Variants in DCAF12 observed in about 807,000 individuals in gnomAD.
DCAF12 encodes the protein DDB1- and CUL4-associated factor 12.
In DCAF12, 28 loss-of-function variants were observed where a neutral mutation model predicts 52.8. The ratio of observed to expected loss-of-function variants is 0.53; its 90% confidence interval spans 0.39 to 0.73. The LOEUF (loss-of-function observed/expected upper bound fraction) is 0.73. DCAF12 is among the 30% of genes least tolerant of loss of function. DCAF12 has a pLI of 0.00. For missense variants in DCAF12, 425 were observed against 552.2 expected (o/e 0.77, Z 2.31); for synonymous variants, 196 against 215.5 (o/e 0.91, Z 0.79).
chr9:34,114,350 G>A (rs1304853778), intron 2 of DCAF12, among the ~76,000 whole-genome samples: 1 of 152,114 alleles, frequency 6.6e-6, no homozygotes, highest in Non-Finnish European at 1.5e-5. Context: ...ATCACCTGAG[G>A]TCAGGAGTTT....
intron 6 of DCAF12, among the ~76,000 whole-genome samples, chr9:34,094,157 C>T (rs1188278236): frequency 6.6e-6 from 1 of 152,132 alleles, no homozygotes; most frequent in Non-Finnish European, 1.5e-5. Flanking sequence ...GTAATCCCAG[C>T]ACTTTGGGAG....
chr9:34,098,292 TAC>T, intron 5 of DCAF12, 30 bp downstream of exon 5: 1 of 1,601,184 alleles, frequency 6.2e-7, no homozygotes, highest in South Asian at 1.1e-5. Flanking sequence ...GCAAGAGGAA[TAC>T]ACGTCAGGGA....
chr9:34,125,485 T>C, intron 1 of DCAF12: 1 of 643,104 alleles, frequency 1.6e-6, no homozygotes, highest in Admixed American at 2.7e-5. Flanking sequence ...AACTTACCAA[T>C]GTGAATTACA....
At chr9:34,120,349 C>T (rs181438029) in intron 2 of DCAF12, among the ~76,000 whole-genome samples, 115 of 151,880 alleles carry the variant, frequency 7.6e-4, no homozygotes, top group African/African-American at 2.6e-3. Context: ...CACTGTACTC[C>T]ACCCTGAGTG....
At chr9:34,124,204 T>C (rs1320931000) in intron 2 of DCAF12, among the ~76,000 whole-genome samples, 3 of 152,334 alleles carry the variant, frequency 2.0e-5, no homozygotes, top group East Asian at 3.9e-4. Context: ...TCACACATTA[T>C]GACATTACTT....
intron 2 of DCAF12, among the ~76,000 whole-genome samples, chr9:34,120,592 A>C (rs558316245): frequency 6.7e-6 from 1 of 148,368 alleles, no homozygotes; most frequent in Non-Finnish European, 1.5e-5. Flanking sequence ...AATCGCTTGA[A>C]CCCGGAGGCA....
At chr9:34,108,087 A>C (rs985142225) in intron 2 of DCAF12, among the ~76,000 whole-genome samples, 1 of 152,146 alleles carries the variant, frequency 6.6e-6, no homozygotes, top group Non-Finnish European at 1.5e-5. Context: ...ATACACACAC[A>C]TCCCATTCAG....
At chr9:34,092,923 G>T (rs746910814) in intron 7 of DCAF12, among the ~76,000 whole-genome samples, 1 of 151,898 alleles carries the variant, frequency 6.6e-6, no homozygotes, top group African/African-American at 2.4e-5. Context: ...TCAGCTCACC[G>T]CAACCTCCGC....
chr9:34,100,427 T>C (rs1457140788), intron 4 of DCAF12, among the ~76,000 whole-genome samples: 2 of 151,662 alleles, frequency 1.3e-5, no homozygotes, highest in South Asian at 2.1e-4. Context: ...CTTGATCTCC[T>C]GACCTCGTGA....
At position 34,088,486 on chromosome 9, in the gene DCAF12, T is replaced by C. The variant is rs748775237; in HGVS notation, c.1226A>G (p.Asn409Ser). ...GWLNHDETWR[N>S]YFSDIDFFPN... ...GAAGAAGTCAATGTCTGAAAAGTAA[T>C]TCCTCCAGGTTTCATCATGATTCTA... The change falls in exon 9 of 9, where the codon AAT (asparagine) becomes AGT (serine). Residue 409 changes from asparagine (N) to serine (S), a missense_variant. Asn to Ser is a conservative substitution (Grantham distance 46). This residue lies in a region of DCAF12 where 328 missense variants were observed against 444.4 expected (regional missense o/e 0.74). Transcript: ENST00000361264. 1.5e-5 allele frequency: 25 copies of C among 1,614,058 alleles called. No homozygotes were observed. Among genetic ancestry groups the C allele is most frequent in the Non-Finnish European group, 2.1e-5 (25 of 1,180,028 alleles).
intron 2 of DCAF12, among the ~76,000 whole-genome samples, chr9:34,108,679 G>A (rs1048136656): frequency 2.0e-5 from 3 of 151,810 alleles, no homozygotes; most frequent in African/African-American, 4.8e-5. Context: ...TCAGCTACTC[G>A]GGAGGCTGAG....
chr9:34,107,286 AG>A, intron 3 of DCAF12, 72 bp downstream of exon 3: 1 of 1,418,186 alleles, frequency 7.1e-7, no homozygotes, highest in South Asian at 1.2e-5. Context: ...TGATGAGAGG[AG>A]GGTCCATGTT....
chr9:34,093,461 G>A lies in DCAF12; in HGVS notation c.862-13C>T, dbSNP rs1828682399. 2 of 1,613,740 alleles carry A rather than the reference G, an allele frequency of 1.2e-6. No homozygotes were observed. Among genetic ancestry groups the A allele is most frequent in the Non-Finnish European group, 1.7e-6 (2 of 1,179,734 alleles). On this transcript the variant is annotated splice_polypyrimidine_tract_variant and intron_variant, in intron 6 of 8. Transcript: ENST00000361264. ...TGGTGGAGAGGAGCTGAAAATAGAG[G>A]AGAGATATAACCATGGCATCAGCAG...
intron 3 of DCAF12, among the ~76,000 whole-genome samples, chr9:34,106,865 T>C (rs1284317621): frequency 2.6e-5 from 4 of 152,172 alleles, no homozygotes; most frequent in African/African-American, 7.2e-5. Flanking sequence ...AAACTTTATC[T>C]TCTGATACAG....
At chr9:34,124,953 G>A in intron 2 of DCAF12, 70 bp downstream of exon 2, 1 of 1,560,502 alleles carries the variant, frequency 6.4e-7, no homozygotes, top group African/African-American at 1.4e-5. Context: ...AAAACTAGCA[G>A]AGGTTCTAGA....
intron 4 of DCAF12, among the ~76,000 whole-genome samples, chr9:34,104,042 G>T (rs1264379432): frequency 2.0e-5 from 3 of 152,098 alleles, no homozygotes; most frequent in Non-Finnish European, 4.4e-5. Flanking sequence ...GCCGATGCAG[G>T]CAGATCACTT....
At chr9:34,094,810 G>A (rs1469677322) in intron 6 of DCAF12, among the ~76,000 whole-genome samples, 5 of 152,040 alleles carry the variant, frequency 3.3e-5, no homozygotes, top group East Asian at 1.9e-4. Flanking sequence ...GATTATAGGC[G>A]TGAGCCACCG....
At chr9:34,117,876 C>T (rs1378807049) in intron 2 of DCAF12, among the ~76,000 whole-genome samples, 1 of 151,996 alleles carries the variant, frequency 6.6e-6, no homozygotes, top group Non-Finnish European at 1.5e-5. Flanking sequence ...ATCGCGCCAT[C>T]ACACTCCAGC....
intron 2 of DCAF12, among the ~76,000 whole-genome samples, chr9:34,123,490 A>C (rs980535048): frequency 6.6e-6 from 1 of 152,188 alleles, no homozygotes; most frequent in Admixed American, 6.5e-5. Context: ...TTCAGAGAAG[A>C]GCACTATTCC....
Sources: allele counts gnomAD v4.1 joint callset (sites outside exome capture counted in the v4.1 genomes callset), GRCh38; gene constraint gnomAD v4.1.1; regional missense constraint gnomAD v4.1.1; transcripts MANE v1.5; gene names NCBI Gene and HGNC (gene_info 2026-07-23, HGNC 2026-07-21).